The following VPS37A variants were observed in gnomAD, a reference collection of about 807,000 sequenced individuals.
VPS37A encodes vacuolar protein sorting-associated protein 37A.
VPS37A carries 30 observed loss-of-function variants against 49.8 expected under a neutral mutation model. The observed-to-expected ratio is 0.60, with a 90% CI of 0.45 to 0.82. The LOEUF (loss-of-function observed/expected upper bound fraction) is 0.82. Ranked by LOEUF, VPS37A falls within the 40% of genes least tolerant of loss-of-function variation. VPS37A has a pLI of 0.00. For missense variants in VPS37A, 593 were observed against 464.4 expected (o/e 1.28, Z -2.55); for synonymous variants, 195 against 160.6 (o/e 1.21, Z -1.62).
intron 1 of VPS37A, among the ~76,000 whole-genome samples, chr8:17,260,621 G>A (rs941004794): frequency 2.6e-5 from 4 of 151,954 alleles, no homozygotes; most frequent in African/African-American, 7.3e-5. Context: ...ACTCCCTTTA[G>A]CATTTCTTAT....
intron 1 of VPS37A, among the ~76,000 whole-genome samples, chr8:17,256,654 A>G (rs1442221250): frequency 6.7e-6 from 1 of 149,602 alleles, no homozygotes; most frequent in Non-Finnish European, 1.5e-5. Flanking sequence ...TTATTTATTT[A>G]TTTATTTATT....
At chr8:17,299,768 CACCAT>C (rs1816980487), downstream of VPS37A, 2 of 1,517,110 alleles carry the variant, frequency 1.3e-6, no homozygotes, top group Non-Finnish European at 1.8e-6. Context: ...CAATGACATG[CACCAT>C]TTCCTGTTTT....
At chr8:17,323,074 A>T in the VPS37A span, among the ~76,000 whole-genome samples, 385 of 150,062 alleles carry the variant, frequency 2.6e-3, no homozygotes, top group African/African-American at 8.8e-3. Flanking sequence ...CAGCCTCCTG[A>T]GTAGCTGGGA....
At chr8:17,313,208 G>T in the VPS37A span, 1 of 953,428 alleles carries the variant, frequency 1.0e-6, no homozygotes, top group Non-Finnish European at 1.6e-6. Context: ...TTAAGACAGG[G>T]AAGCCCATGG....
At chr8:17,284,871 A>G (rs1815438169) in intron 10 of VPS37A, among the ~76,000 whole-genome samples, 3 of 151,954 alleles carry the variant, frequency 2.0e-5, no homozygotes, top group Admixed American at 2.0e-4. Flanking sequence ...TTCCCAGGGG[A>G]CCCCAGGGGG....
chr8:17,317,964 G>C, the VPS37A span, among the ~76,000 whole-genome samples: 1 of 152,026 alleles, frequency 6.6e-6, no homozygotes, highest in Non-Finnish European at 1.5e-5. Context: ...AGGTGGGTAA[G>C]TTATTATATG....
At chr8:17,314,214 C>T in the VPS37A span, among the ~76,000 whole-genome samples, 2 of 152,064 alleles carry the variant, frequency 1.3e-5, no homozygotes, top group Non-Finnish European at 2.9e-5. Context: ...GAGGTTTAGA[C>T]CTATAAAGCC....
intron 1 of VPS37A, among the ~76,000 whole-genome samples, chr8:17,264,500 A>C (rs1362920842): frequency 6.6e-6 from 1 of 152,150 alleles, no homozygotes; most frequent in East Asian, 1.9e-4. Context: ...TTTCTAAGTG[A>C]TAACTCCATT....
At chr8:17,286,898 A>G (rs59735615) in intron 11 of VPS37A, among the ~76,000 whole-genome samples, 11,725 of 152,240 alleles carry the variant, frequency 0.077, 790 homozygotes, top group African/African-American at 0.18. Context: ...TGATCTTCCT[A>G]AAATACCACT....
At chr8:17,276,578 A>C in intron 6 of VPS37A, 111 bp downstream of exon 6, 1 of 1,070,808 alleles carries the variant, frequency 9.3e-7, no homozygotes, top group Non-Finnish European at 1.3e-6. Flanking sequence ...ACTAATCCTA[A>C]ACAATATTGT....
downstream of VPS37A, among the ~76,000 whole-genome samples, chr8:17,306,421 C>A (rs1364221844): frequency 6.6e-6 from 1 of 151,810 alleles, no homozygotes; most frequent in Non-Finnish European, 1.5e-5. Context: ...CCCAAGTTGC[C>A]AAGAATATTC....
intron 10 of VPS37A, among the ~76,000 whole-genome samples, chr8:17,285,644 T>A (rs770376523): frequency 6.6e-6 from 1 of 152,186 alleles, no homozygotes; most frequent in Non-Finnish European, 1.5e-5. Flanking sequence ...CCATTTTTCA[T>A]GAGAGGAAAT....
downstream of VPS37A, among the ~76,000 whole-genome samples, chr8:17,304,083 T>A (rs1356744866): frequency 1.3e-5 from 2 of 152,210 alleles, no homozygotes; most frequent in African/African-American, 4.8e-5. Context: ...CTTAAGGCAT[T>A]TGCATTATTC....
At chr8:17,315,279 T>G in the VPS37A span, among the ~76,000 whole-genome samples, 1 of 152,230 alleles carries the variant, frequency 6.6e-6, no homozygotes, top group East Asian at 1.9e-4. Context: ...CTATATGACC[T>G]CCTAGAAAAG....
the VPS37A span, among the ~76,000 whole-genome samples, chr8:17,322,200 A>C: frequency 1.3e-5 from 2 of 152,174 alleles, no homozygotes; most frequent in Non-Finnish European, 2.9e-5. Context: ...GTCTTCAGAG[A>C]ACTGGCAAAA....
chr8:17,302,305 G>C (rs761447112), downstream of VPS37A: 10 of 1,608,260 alleles, frequency 6.2e-6, no homozygotes. Flanking sequence ...AAAGCGTCGT[G>C]ATACCACCTT....
chr8:17,260,319 A>G (rs1209882798), intron 1 of VPS37A, among the ~76,000 whole-genome samples: 2 of 152,182 alleles, frequency 1.3e-5, no homozygotes, highest in East Asian at 3.8e-4. Context: ...CAAAGAAAAG[A>G]ACAGAAACAA....
At chr8:17,262,133 T>A (rs954815793) in intron 1 of VPS37A, among the ~76,000 whole-genome samples, 1 of 152,036 alleles carries the variant, frequency 6.6e-6, no homozygotes, top group Non-Finnish European at 1.5e-5. Flanking sequence ...GCATCACAGG[T>A]ATGGAAGTCC....
downstream of VPS37A, among the ~76,000 whole-genome samples, chr8:17,300,823 G>A (rs1817061975): frequency 6.6e-6 from 1 of 152,132 alleles, no homozygotes; most frequent in South Asian, 2.1e-4. Flanking sequence ...CTATCTCTAT[G>A]GATTTGCCTA....
Sources: gnomAD v4.1 joint callset for allele counts (sites outside exome capture counted in the v4.1 genomes callset) on GRCh38, gnomAD v4.1.1 for gene constraint, MANE v1.5 for transcripts, NCBI Gene and HGNC (gene_info 2026-07-23, HGNC 2026-07-21) for gene names.